Variants in PATJ observed in about 807,000 individuals in gnomAD.
PATJ encodes the protein inaD-like protein.
Under a neutral mutation model 224.9 loss-of-function variants are expected in PATJ, and 190 were observed. That is an observed-to-expected ratio of 0.84 (90% CI 0.75 to 0.95). PATJ has a LOEUF of 0.95. Among genes scored for constraint, PATJ ranks in the 40% least tolerant of loss-of-function variants. The pLI is 0.00. For missense variants in PATJ, 2,121 were observed against 2,270.3 expected, an observed-to-expected ratio of 0.93 and a Z score of 1.34; for synonymous variants, 769 against 820.3, an observed-to-expected ratio of 0.94 and a Z score of 1.07.
intron 33 of PATJ, among the ~76,000 whole-genome samples, chr1:62,105,625 A>G (rs925765538): frequency 5.3e-5 from 8 of 152,132 alleles, no homozygotes; most frequent in African/African-American, 1.7e-4. Context: ...TGGGTCTGGA[A>G]ATTTCATAAA....
chr1:62,149,106 C>G (rs1668366309), intron 42 of PATJ, among the ~76,000 whole-genome samples: 1 of 123,856 alleles, frequency 8.1e-6, no homozygotes, highest in South Asian at 2.5e-4. Flanking sequence ...CCAGCCTGGG[C>G]AACAAGAGGG....
intron 17 of PATJ, among the ~76,000 whole-genome samples, chr1:61,854,966 C>G (rs1663413687): frequency 6.6e-6 from 1 of 151,998 alleles, no homozygotes; most frequent in African/African-American, 2.4e-5. Flanking sequence ...TAGTTGTGAC[C>G]TAAGGGTACT....
chr1:61,936,284 G>A (rs1355830198), intron 27 of PATJ, among the ~76,000 whole-genome samples: 2 of 150,982 alleles, frequency 1.3e-5, no homozygotes, highest in South Asian at 2.1e-4. Flanking sequence ...TTCCCATGGA[G>A]TGGAGTAGGA....
chr1:61,842,901 A>G (rs1016154643), intron 17 of PATJ, among the ~76,000 whole-genome samples: 1 of 152,190 alleles, frequency 6.6e-6, no homozygotes, highest in South Asian at 2.1e-4. Context: ...ATTAAGAACC[A>G]TGGTAGTAGA....
rs562581932 is a variant in PATJ at position 61,953,306 on chromosome 1, A to T, written c.3670+25477A>T. Among the ~76,000 whole-genome samples the T allele has an allele frequency of 2.0e-5, 3 of 152,320 alleles. No individual in the cohort carries two copies. The South Asian group carries it at 6.2e-4, about 32-fold the overall frequency. ...ACTCAAGAGTTAGACATGACATTAT[A>T]GCCTTTCTTTTTATTTTCAGCAGTG... is the stretch of plus-strand genomic sequence containing the variant. On this transcript the variant is annotated intron_variant, in intron 27 of 43. Coordinates refer to ENST00000642238, the MANE Select transcript of PATJ (RefSeq NM_001350145.3).
At chr1:62,057,338 T>G (rs1016654921) in intron 31 of PATJ, among the ~76,000 whole-genome samples, 1 of 152,154 alleles carries the variant, frequency 6.6e-6, no homozygotes, top group African/African-American at 2.4e-5. Flanking sequence ...TGAAAGTCTG[T>G]GGTTGCCAGA....
chr1:61,798,609 T>C (rs1651831021), intron 11 of PATJ, among the ~76,000 whole-genome samples: 1 of 152,178 alleles, frequency 6.6e-6, no homozygotes, highest in African/African-American at 2.4e-5. Context: ...GCAGTAATTC[T>C]AGCCATGCTT....
intron 14 of PATJ, among the ~76,000 whole-genome samples, chr1:61,822,429 G>GAAAAAAA (rs11427840): frequency 6.6e-4 from 76 of 115,070 alleles, no homozygotes; most frequent in Admixed American, 1.4e-3. Context: ...GACTGTGTCA[G>GAAAAAAA]AAAAAAAAAA....
intron 41 of PATJ, among the ~76,000 whole-genome samples, chr1:62,132,493 C>G (rs1666364911): frequency 6.6e-6 from 1 of 151,922 alleles, no homozygotes; most frequent in South Asian, 2.1e-4. Flanking sequence ...AATATGGAAG[C>G]AAATACTAGG....
intron 31 of PATJ, among the ~76,000 whole-genome samples, chr1:62,057,126 C>A (rs1313590663): frequency 6.6e-6 from 1 of 152,198 alleles, no homozygotes; most frequent in Non-Finnish European, 1.5e-5. Flanking sequence ...CTGTGCTGGG[C>A]CTGAAACCTC....
chr1:62,058,586 T>C (rs574094822), intron 31 of PATJ, among the ~76,000 whole-genome samples: 12 of 152,320 alleles, frequency 7.9e-5, no homozygotes, highest in Non-Finnish European at 1.5e-4. Flanking sequence ...GAGAAGATGG[T>C]GCTCACTTCT....
chr1:61,878,270 C>T (rs1170148787), intron 21 of PATJ, among the ~76,000 whole-genome samples: 1 of 152,052 alleles, frequency 6.6e-6, no homozygotes, highest in Non-Finnish European at 1.5e-5. Flanking sequence ...CAGACATCAG[C>T]AAAGCTGGAA....
At chr1:61,969,514 A>G (rs1452331304) in intron 27 of PATJ, among the ~76,000 whole-genome samples, 2 of 152,110 alleles carry the variant, frequency 1.3e-5, no homozygotes, top group Admixed American at 6.6e-5. Context: ...TTTGTATACC[A>G]TGTTTGGAGA....
chr1:61,816,951 G>A (rs952540620), intron 14 of PATJ, among the ~76,000 whole-genome samples: 1 of 152,140 alleles, frequency 6.6e-6, no homozygotes, highest in Admixed American at 6.6e-5. Context: ...TTCCTAAAGG[G>A]AATTTTGATT....
intron 17 of PATJ, among the ~76,000 whole-genome samples, chr1:61,851,328 G>C (rs1200280579): frequency 1.3e-5 from 2 of 152,118 alleles, no homozygotes; most frequent in Non-Finnish European, 2.9e-5. Flanking sequence ...GGGTCTTCAG[G>C]GAGTAAGGGA....
At chr1:61,925,342 T>G (rs1432898828) in intron 26 of PATJ, among the ~76,000 whole-genome samples, 1 of 151,336 alleles carries the variant, frequency 6.6e-6, no homozygotes, top group Admixed American at 6.6e-5. Flanking sequence ...TAGATCTTTA[T>G]AGAAGCAGCA....
Position 61,787,870 on chromosome 1 carries a change from G to A in PATJ, c.966G>A (p.Met322Ile). ...GGAACTGTGGGAATTCAGTCAGGATGCTCGTTGCTAGAGATCCAGCTGGTG... is the reference window on the plus strand; with the variant it reads ...GGAACTGTGGGAATTCAGTCAGGATACTCGTTGCTAGAGATCCAGCTGGTG... ...VLRNCGNSVR[M>I]LVARDPAGDI... The change falls in exon 8 of 44, where the codon ATG becomes ATA. Residue 322 changes from methionine to isoleucine, a missense_variant. Coordinates refer to ENST00000642238, the MANE Select transcript of PATJ (RefSeq NM_001350145.3). 1 of 1,614,174 alleles carries A rather than the reference G, an allele frequency of 6.2e-7. No individual in the cohort carries two copies. The highest frequency in any genetic ancestry group is 8.5e-7 in the Non-Finnish European group (1 of 1,180,008).
chr1:62,052,041 G>C (rs1653725443), intron 31 of PATJ, among the ~76,000 whole-genome samples: 1 of 152,102 alleles, frequency 6.6e-6, no homozygotes, highest in South Asian at 2.1e-4. Flanking sequence ...CTCATCATCT[G>C]CTTTTCTGTT....
chr1:62,089,447 G>C (rs1189538757), intron 33 of PATJ, among the ~76,000 whole-genome samples: 4 of 151,216 alleles, frequency 2.6e-5, no homozygotes, highest in African/African-American at 9.7e-5. Flanking sequence ...TGCCTTTTCA[G>C]ACTGTAAATC....
Sources: allele counts gnomAD v4.1 joint callset (sites outside exome capture counted in the v4.1 genomes callset), GRCh38; gene constraint gnomAD v4.1.1; transcripts MANE v1.5; gene names NCBI Gene and HGNC (gene_info 2026-07-23, HGNC 2026-07-21).